EBF1: variants seen among roughly 807,000 people sequenced by gnomAD.
EBF1 encodes EBF transcription factor 1, also known as transcription factor COE1.
In EBF1, 10 loss-of-function variants were observed where a neutral mutation model predicts 68.4. The ratio of observed to expected loss-of-function variants is 0.15; its 90% CI spans 0.09 to 0.25. EBF1 has a LOEUF of 0.25. EBF1 is among the 10% of genes least tolerant of loss of function. EBF1 has a pLI of 1.00. For synonymous variants in EBF1, 298 were observed against 299.8 expected (o/e 0.99, Z 0.06); for missense variants, 509 against 794.4 (o/e 0.64, Z 4.32).
At chr5:158,862,856 A>T (rs1357464817) in intron 6 of EBF1, among the ~76,000 whole-genome samples, 1 of 152,248 alleles carries the variant, frequency 6.6e-6, no homozygotes, top group Non-Finnish European at 1.5e-5. Context: ...GAAATTGTTC[A>T]ACAAGAACAT....
chr5:158,860,171 G>A (rs1364724338), intron 6 of EBF1, among the ~76,000 whole-genome samples: 1 of 152,142 alleles, frequency 6.6e-6, no homozygotes, highest in Non-Finnish European at 1.5e-5. Flanking sequence ...TTATTTGAGT[G>A]CTTACTATGT....
In EBF1 at chr5:158,902,013, C is replaced by A. The variant is rs186230265; in HGVS notation, c.555-61903G>T. On this transcript the variant is annotated intron_variant, in intron 6 of 15. Transcript: ENST00000313708. ...GGCTGAGGCAGGAGAATCACTTGAACCAGGGGGGCGGAGGTTGCAGTGAGC... is the reference window on the plus strand; with the variant it reads ...GGCTGAGGCAGGAGAATCACTTGAAACAGGGGGGCGGAGGTTGCAGTGAGC... 6.6e-5 allele frequency among the ~76,000 whole-genome samples: 10 copies of A among 152,230 alleles called. No individual in the cohort carries two copies. The East Asian group carries it at 1.9e-3, about 29-fold the overall frequency.
rs1272823090 is a variant in EBF1 at position 158,978,831 on chromosome 5, C to CAGAGAG, written c.554+94564_554+94565insCTCTCT. ...ACACACACACACACACACACACACA[C>CAGAGAG]ACACAGAGAGAGAGTCCACAGTTCT... On this transcript the variant is annotated intron_variant, in intron 6 of 15. Transcript: ENST00000313708. Among the ~76,000 whole-genome samples the CAGAGAG allele has an allele frequency of 1.6e-3, 177 of 113,218 alleles. 1 individual carries two copies. Among genetic ancestry groups the CAGAGAG allele is most frequent in the African/African-American group, 5.2e-3 (162 of 30,924 alleles). 74.3% of individuals were successfully genotyped at this position (113,218 alleles called of 152,430 possible). A position where few individuals can be genotyped will look rare whatever the true frequency, so the allele number is the denominator to read the frequency against.
chr5:159,024,169 A>G (rs758859699), intron 6 of EBF1, among the ~76,000 whole-genome samples: 11 of 152,096 alleles, frequency 7.2e-5, no homozygotes, highest in Non-Finnish European at 1.3e-4. Flanking sequence ...ACCAGTTTCT[A>G]GAGTTCCAGG....
chr5:158,739,163 AC>A (rs1765789224), intron 10 of EBF1, among the ~76,000 whole-genome samples: 1 of 152,182 alleles, frequency 6.6e-6, no homozygotes, highest in African/African-American at 2.4e-5. Context: ...GATACATTAA[AC>A]CAATTTATAC....
chr5:158,932,878 G>A (rs1811182926), intron 6 of EBF1, among the ~76,000 whole-genome samples: 1 of 152,174 alleles, frequency 6.6e-6, no homozygotes, highest in South Asian at 2.1e-4. Context: ...CATGAGACAA[G>A]AGTGTAACAT....
chr5:158,863,746 A>C (rs1193676106), intron 6 of EBF1, among the ~76,000 whole-genome samples: 1 of 152,220 alleles, frequency 6.6e-6, no homozygotes, highest in Non-Finnish European at 1.5e-5. Flanking sequence ...CATAAAATGC[A>C]GAATATCATT....
intron 6 of EBF1, among the ~76,000 whole-genome samples, chr5:159,006,572 GT>G (rs1411835874): frequency 7.3e-6 from 1 of 137,350 alleles, no homozygotes; most frequent in Non-Finnish European, 1.5e-5. Flanking sequence ...TCCGTTTCAG[GT>G]AATCCCATCT....
At chr5:158,858,197 A>G (rs529342224) in intron 6 of EBF1, among the ~76,000 whole-genome samples, 2 of 152,180 alleles carry the variant, frequency 1.3e-5, no homozygotes, top group Non-Finnish European at 2.9e-5. Flanking sequence ...GTTAATTGTA[A>G]TATGACACTG....
At position 158,978,835 on chromosome 5, in the gene EBF1, C is replaced by CACACACAG. The variant is rs753714441; in HGVS notation, c.554+94560_554+94561insCTGTGTGT. On this transcript the variant is annotated intron_variant, in intron 6 of 15. Coordinates refer to ENST00000313708, the MANE Select transcript of EBF1 (RefSeq NM_024007.5). ...ACACACACACACACACACACACACA[C>CACACACAG]AGAGAGAGAGTCCACAGTTCTCTTT... Among the ~76,000 whole-genome samples, 618 of 146,988 alleles carry CACACACAG rather than the reference C, an allele frequency of 4.2e-3. 8 individuals are homozygous for CACACACAG. The highest frequency in any genetic ancestry group is 0.015 in the African/African-American group (592 of 38,476).
At position 158,823,310 on chromosome 5, in the gene EBF1, A is replaced by T; in HGVS notation, c.644T>A (p.Val215Glu). 1 of 1,610,220 alleles carries T rather than the reference A, an allele frequency of 6.2e-7. No individual in the cohort carries two copies. The highest frequency in any genetic ancestry group is 8.5e-7 in the Non-Finnish European group (1 of 1,178,042). Residue 215 changes from valine (V) to glutamate (E), a missense_variant, in exon 8 of 16, where the codon GTG becomes GAG. Physicochemically the swap from Val to Glu is moderately radical, Grantham distance 121. Around this residue, in one of 3 missense-constraint regions of EBF1, gnomAD observed 230 missense variants for 467.7 expected, o/e 0.49. Coordinates refer to ENST00000313708, the MANE Select transcript of EBF1 (RefSeq NM_024007.5). Reference protein sequence around the residue: ...PRDMRRFQVVVSTTVNVDGHV... With the variant: ...PRDMRRFQVVESTTVNVDGHV... The stretch of plus-strand genomic sequence containing the variant: ...GCCATCCACATTGACTGTCGTAGAC[A>T]CCACGACCTGGAGACATAAGAAAGA...
intron 6 of EBF1, among the ~76,000 whole-genome samples, chr5:158,966,692 T>C (rs1754222353): frequency 6.6e-6 from 1 of 152,220 alleles, no homozygotes. Context: ...AAGTTCCTTT[T>C]TGAATTCTTA....
At chr5:159,087,133 C>T (rs1320474202) in intron 4 of EBF1, among the ~76,000 whole-genome samples, 2 of 151,690 alleles carry the variant, frequency 1.3e-5, no homozygotes, top group South Asian at 4.2e-4. Flanking sequence ...ATCTCTGTTT[C>T]AGCTTTAATA....
At chr5:158,840,137 A>G in intron 6 of EBF1, 27 bp from the exon 7 acceptor site, 1 of 1,588,334 alleles carries the variant, frequency 6.3e-7, no homozygotes, top group Non-Finnish European at 8.6e-7. Context: ...CATCATGGTT[A>G]GCATTTCGGT....
rs545829690 is a variant in EBF1, at chr5:159,039,283, C to A, written c.554+34113G>T. 1.4e-4 allele frequency among the ~76,000 whole-genome samples: 22 copies of A among 152,222 alleles called. No homozygotes were observed. In the South Asian group the frequency reaches 4.6e-3, roughly 32 times the overall value. ...TGCATTAAACCATAAATTATTATTC[C>A]CCTCTCTTCTACTTTCAGAATCTAT... On this transcript the variant is annotated intron_variant, in intron 6 of 15. Coordinates refer to ENST00000313708, the MANE Select transcript of EBF1 (RefSeq NM_024007.5).
rs79441876 is a variant in EBF1, at chr5:158,833,655, G to T, written c.636+6374C>A. Reference sequence around the variant, plus strand: ...CAGAGGACTGGATAAAGACAGCAGGGTTCTGTAGAATAGGAGAGGCATAAA... The same window carrying T: ...CAGAGGACTGGATAAAGACAGCAGGTTTCTGTAGAATAGGAGAGGCATAAA... On this transcript the variant is annotated intron_variant, in intron 7 of 15. Transcript: ENST00000313708. Among the ~76,000 whole-genome samples, 823 of 152,304 alleles carry T rather than the reference G, an allele frequency of 5.4e-3. 9 individuals are homozygous for T. The highest frequency in any genetic ancestry group is 0.019 in the African/African-American group (777 of 41,570).
intron 6 of EBF1, among the ~76,000 whole-genome samples, chr5:159,005,260 A>G (rs1476914192): frequency 6.6e-6 from 1 of 152,182 alleles, no homozygotes; most frequent in Non-Finnish European, 1.5e-5. Flanking sequence ...TCCACCTACT[A>G]CTGCTTTGAC....
intron 6 of EBF1, among the ~76,000 whole-genome samples, chr5:158,845,249 G>A (rs1313699850): frequency 6.6e-6 from 1 of 152,174 alleles, no homozygotes; most frequent in East Asian, 1.9e-4. Context: ...GCTAAGAGAA[G>A]CCTGAGTGAA....
intron 6 of EBF1, among the ~76,000 whole-genome samples, chr5:158,864,537 G>A (rs1433755824): frequency 1.3e-5 from 2 of 152,060 alleles, no homozygotes; most frequent in African/African-American, 4.8e-5. Flanking sequence ...CTGGTTGCTG[G>A]AGTGGAGAAG....
Sources: gnomAD v4.1 joint callset for allele counts (sites outside exome capture counted in the v4.1 genomes callset) on GRCh38, gnomAD v4.1.1 for gene constraint, gnomAD v4.1.1 regional missense constraint, MANE v1.5 for transcripts, NCBI Gene and HGNC (gene_info 2026-07-23, HGNC 2026-07-21) for gene names.